The following ELAVL4 variants were observed in gnomAD, a reference collection of about 807,000 sequenced individuals.
The protein encoded by ELAVL4 is ELAV like RNA binding protein 4, also known as ELAV-like protein 4.
Under a neutral mutation model 35.6 loss-of-function variants are expected in ELAVL4, and 1 was observed. The ratio of observed to expected loss-of-function variants is 0.03; its 90% CI spans 0.01 to 0.13. The LOEUF is 0.13. Ranked by LOEUF, ELAVL4 falls within the 10% of genes least tolerant of loss-of-function variation. The pLI is 1.00. For missense variants in ELAVL4, 267 were observed against 464.9 expected (o/e 0.57, Z 3.91); for synonymous variants, 156 against 171.0 (o/e 0.91, Z 0.69).
intron 2 of ELAVL4, among the ~76,000 whole-genome samples, chr1:50,157,255 T>G (rs1157786644): frequency 6.6e-6 from 1 of 152,188 alleles, no homozygotes; most frequent in Non-Finnish European, 1.5e-5. Context: ...ATTCTGTGCC[T>G]CAGGTTGTTG....
In ELAVL4 at chr1:50,201,087, C is replaced by G; in HGVS notation, c.1010C>G (p.Ala337Gly). 6.2e-7 allele frequency: 1 copy of G among 1,614,040 alleles called. No individual in the cohort carries two copies. Among genetic ancestry groups the G allele is most frequent in the Non-Finnish European group, 8.5e-7 (1 of 1,179,974 alleles). The stretch of plus-strand genomic sequence containing the variant: ...GTCACCATGACCAACTATGATGAGG[C>G]GGCCATGGCCATCGCCAGCCTCAAC... ...GFVTMTNYDE[A>G]AMAIASLNGY... Residue 337 changes from alanine to glycine, a missense_variant, in exon 7 of 7, where the codon GCG becomes GGG. Physicochemically the swap from Ala to Gly is moderately conservative, Grantham distance 60. Coordinates refer to ENST00000371824, the MANE Select transcript of ELAVL4 (RefSeq NM_001144774.3). This position sits in a 1 kb window ranked among gnomAD's most constrained non-coding sequence, Gnocchi z 4.3.
intron 1 of ELAVL4, among the ~76,000 whole-genome samples, chr1:50,048,353 C>T (rs533658143): frequency 1.3e-5 from 2 of 152,292 alleles, no homozygotes; most frequent in African/African-American, 4.8e-5. Flanking sequence ...CCCGCGCTGC[C>T]CAGACCTGAG....
chr1:50,167,132 A>G (rs1678075635), intron 2 of ELAVL4, among the ~76,000 whole-genome samples: 1 of 151,528 alleles, frequency 6.6e-6, no homozygotes, highest in South Asian at 2.1e-4. Context: ...GAGCATACAC[A>G]GCCTTCTGGA....
upstream of ELAVL4, among the ~76,000 whole-genome samples, chr1:50,105,115 T>G (rs1377378351): frequency 6.6e-6 from 1 of 152,218 alleles, no homozygotes; most frequent in African/African-American, 2.4e-5. Context: ...AGCTTTCAGT[T>G]ATTTCTTATC....
intron 1 of ELAVL4, among the ~76,000 whole-genome samples, chr1:50,090,634 T>G (rs1665449128): frequency 6.6e-6 from 1 of 152,164 alleles, no homozygotes; most frequent in African/African-American, 2.4e-5. Context: ...CAGGTGCCTC[T>G]CATCTAGTGG....
chr1:50,091,890 T>A (rs1159576843), intron 1 of ELAVL4, among the ~76,000 whole-genome samples: 8 of 152,198 alleles, frequency 5.3e-5, no homozygotes, highest in African/African-American at 1.9e-4. Flanking sequence ...GTGGCTCGCT[T>A]AAGGTCTGTG....
At chr1:50,192,123 C>T (rs975979941) in intron 3 of ELAVL4, among the ~76,000 whole-genome samples, 1 of 152,162 alleles carries the variant, frequency 6.6e-6, no homozygotes, top group African/African-American at 2.4e-5. Context: ...ATAAAGGCCC[C>T]TCTACATCTC....
intron 1 of ELAVL4, among the ~76,000 whole-genome samples, chr1:50,124,216 C>T (rs1253829579): frequency 2.0e-5 from 3 of 152,070 alleles, no homozygotes; most frequent in African/African-American, 7.2e-5. Flanking sequence ...TTACATTAAA[C>T]TTTTTCCCTG....
chr1:50,170,784 A>G (rs1241039039), intron 2 of ELAVL4, among the ~76,000 whole-genome samples: 1 of 152,198 alleles, frequency 6.6e-6, no homozygotes, highest in Non-Finnish European at 1.5e-5. Context: ...TGTAATCCCA[A>G]CACTTTGAGA....
In ELAVL4 at chr1:50,201,503, A is replaced by G. The variant is rs1337143977; in HGVS notation, c.*325A>G. 6.2e-6 allele frequency: 1 copy of G among 161,584 alleles called. No individual in the cohort carries two copies. Among genetic ancestry groups the G allele is most frequent in the African/African-American group, 2.4e-5 (1 of 41,806 alleles). The allele number at this position is 161,584 out of a possible 1,614,324, so 10.0% of individuals were successfully genotyped here. On this transcript the variant is annotated 3_prime_UTR_variant, in exon 7 of 7. Transcript: ENST00000371824. The surrounding 1 kb of genome is among the most constrained non-coding windows in gnomAD (Gnocchi z 4.3). ...TGCAGGGATTTTTACCCAGCCAGCT[A>G]ACTTTACTACCTTCCTTGAAGGTGG...
intron 1 of ELAVL4, among the ~76,000 whole-genome samples, chr1:50,139,997 CT>C (rs1198428425): frequency 6.6e-6 from 1 of 152,146 alleles, no homozygotes; most frequent in Non-Finnish European, 1.5e-5. Context: ...AATTTTCTGC[CT>C]GTATAATGTT....
chr1:50,174,542 GTC>G (rs1323160953), intron 2 of ELAVL4: 1 of 148,496 alleles, frequency 6.7e-6, no homozygotes, highest in African/African-American at 2.5e-5. Context: ...GTTAAATGCA[GTC>G]TCTCTCTAAA....
chr1:50,073,253 GC>G (rs1022821594), intron 1 of ELAVL4, among the ~76,000 whole-genome samples: 1 of 152,032 alleles, frequency 6.6e-6, no homozygotes, highest in African/African-American at 2.4e-5. Flanking sequence ...TAAGCTGAGG[GC>G]CCTCAACTTC....
chr1:50,062,382 G>A (rs1664033553), intron 1 of ELAVL4, among the ~76,000 whole-genome samples: 1 of 152,076 alleles, frequency 6.6e-6, no homozygotes, highest in Non-Finnish European at 1.5e-5. Context: ...CTGTAGCCAT[G>A]CCATCATATT....
chr1:50,112,404 C>T (rs1447463442), intron 1 of ELAVL4, among the ~76,000 whole-genome samples: 6 of 151,988 alleles, frequency 3.9e-5, no homozygotes, highest in Non-Finnish European at 7.4e-5. Context: ...TTTCTCGATC[C>T]TTTGTCTTAA....
At chr1:50,163,381 C>G (rs1677139417) in intron 2 of ELAVL4, among the ~76,000 whole-genome samples, 1 of 152,074 alleles carries the variant, frequency 6.6e-6, no homozygotes, top group African/African-American at 2.4e-5. Flanking sequence ...TTGAAGATGG[C>G]TGATACTAAA....
At chr1:50,189,552 G>A (rs1205521724) in intron 3 of ELAVL4, among the ~76,000 whole-genome samples, 3 of 152,234 alleles carry the variant, frequency 2.0e-5, no homozygotes, top group Non-Finnish European at 2.9e-5. Context: ...CCCCACCAGG[G>A]TGGCAGAGGA....
chr1:50,133,600 AAAG>A (rs1163770196), intron 1 of ELAVL4, among the ~76,000 whole-genome samples: 349 of 10,298 alleles, frequency 0.034, no homozygotes, highest in African/African-American at 0.087. Context: ...GAAAGAAAGA[AAAG>A]AAAGAAAGAA....
At chr1:50,126,810 C>G (rs956905314) in intron 1 of ELAVL4, among the ~76,000 whole-genome samples, 2 of 152,042 alleles carry the variant, frequency 1.3e-5, no homozygotes, top group African/African-American at 2.4e-5. Flanking sequence ...AAAACTCCCC[C>G]ATGAAACACA....
Sources: allele counts gnomAD v4.1 joint callset (sites outside exome capture counted in the v4.1 genomes callset), GRCh38; gene constraint gnomAD v4.1.1; non-coding constraint Gnocchi (gnomAD v3.1); transcripts MANE v1.5; gene names NCBI Gene and HGNC (gene_info 2026-07-23, HGNC 2026-07-21).